The following KCNAB1 variants were observed in gnomAD, a reference collection of about 807,000 sequenced individuals.
The protein encoded by KCNAB1 is potassium voltage-gated channel subfamily A regulatory beta subunit 1, also known as voltage-gated potassium channel subunit beta-1.
In KCNAB1, 35 loss-of-function variants were observed where a neutral mutation model predicts 64.6. That is an observed-to-expected ratio of 0.54 (90% CI 0.41 to 0.72). KCNAB1 has a LOEUF of 0.72. Among genes scored for constraint, KCNAB1 ranks in the 30% least tolerant of loss-of-function variants. KCNAB1 has a pLI of 0.00. For missense variants in KCNAB1, 401 were observed against 512.9 expected, an observed-to-expected ratio of 0.78 and a Z score of 2.11; for synonymous variants, 177 against 183.8, an observed-to-expected ratio of 0.96 and a Z score of 0.30.
Position 156,143,470 on chromosome 3 carries a change from AG to A in KCNAB1, c.275+22586del, listed in dbSNP as rs1450679679. 7.1e-6 allele frequency: 9 copies of A among 1,266,714 alleles called. No homozygotes were observed. In the East Asian group the frequency reaches 1.8e-4, roughly 26 times the overall value. 78.5% of individuals were successfully genotyped at this position (1,266,714 alleles called of 1,614,324 possible). A position where few individuals can be genotyped will look rare whatever the true frequency, so the allele number is the denominator to read the frequency against. On this transcript the variant is annotated intron_variant, in intron 1 of 13. Coordinates refer to ENST00000490337, the MANE Select transcript of KCNAB1 (RefSeq NM_172160.3). ...AACCAGGGCACTGCACTGATGTCAA[AG>A]GTTGTTATTAAAGAAATAAGGACTG...
chr3:156,402,027 C>G (rs903503291), intron 1 of KCNAB1, among the ~76,000 whole-genome samples: 5 of 151,854 alleles, frequency 3.3e-5, no homozygotes, highest in Admixed American at 1.3e-4. Flanking sequence ...GGAGGGATAG[C>G]ATTAAGAGAA....
intron 1 of KCNAB1, among the ~76,000 whole-genome samples, chr3:156,286,011 G>T (rs1044271580): frequency 2.0e-5 from 3 of 152,174 alleles, no homozygotes; most frequent in African/African-American, 7.2e-5. Flanking sequence ...TGGACATGTG[G>T]CTGGTAGTGT....
chr3:156,284,741 C>T (rs1030470652), intron 1 of KCNAB1, among the ~76,000 whole-genome samples: 3 of 152,170 alleles, frequency 2.0e-5, no homozygotes, highest in African/African-American at 2.4e-5. Flanking sequence ...CAGGTGCGTC[C>T]GTCACCCCTT....
intron 1 of KCNAB1, among the ~76,000 whole-genome samples, chr3:156,252,140 G>C (rs1377040730): frequency 6.6e-6 from 1 of 152,196 alleles, no homozygotes; most frequent in Non-Finnish European, 1.5e-5. Context: ...TCCCCCTGAC[G>C]GAGGGCATCA....
At chr3:156,301,388 A>G (rs1233887122) in intron 1 of KCNAB1, among the ~76,000 whole-genome samples, 1 of 152,176 alleles carries the variant, frequency 6.6e-6, no homozygotes, top group Non-Finnish European at 1.5e-5. Context: ...TCAATTTCCT[A>G]TCTGTATATG....
At chr3:156,468,253 A>G (rs375849164) in intron 7 of KCNAB1, among the ~76,000 whole-genome samples, 3 of 152,176 alleles carry the variant, frequency 2.0e-5, no homozygotes, top group East Asian at 3.8e-4. Context: ...TCAGTATTCA[A>G]TCACTGAATT....
At chr3:156,404,216 C>A (rs1451101638) in intron 1 of KCNAB1, among the ~76,000 whole-genome samples, 1 of 152,140 alleles carries the variant, frequency 6.6e-6, no homozygotes, top group Admixed American at 6.5e-5. Flanking sequence ...ACAATGACTG[C>A]ATAATAATTT....
intron 1 of KCNAB1, among the ~76,000 whole-genome samples, chr3:156,132,411 T>C (rs578133990): frequency 4.6e-5 from 7 of 152,340 alleles, no homozygotes; most frequent in African/African-American, 1.7e-4. Flanking sequence ...GAGCATCAGC[T>C]CTCATTTTGA....
At chr3:156,342,701 G>A (rs539057779) in intron 1 of KCNAB1, among the ~76,000 whole-genome samples, 8 of 148,696 alleles carry the variant, frequency 5.4e-5, no homozygotes, top group South Asian at 2.1e-4. Flanking sequence ...ATGCTGGTGC[G>A]CTGCGCCCAC....
At chr3:156,305,144 G>GA (rs1721406710) in intron 1 of KCNAB1, among the ~76,000 whole-genome samples, 1 of 151,874 alleles carries the variant, frequency 6.6e-6, no homozygotes, top group Admixed American at 6.6e-5. Flanking sequence ...AATTGCAAGC[G>GA]ACCATATACC....
intron 1 of KCNAB1, among the ~76,000 whole-genome samples, chr3:156,263,591 G>T (rs996993744): frequency 2.6e-5 from 4 of 152,024 alleles, no homozygotes; most frequent in Non-Finnish European, 4.4e-5. Context: ...AAGAATGTGT[G>T]TTCTGCAGTC....
Position 156,368,948 on chromosome 3 carries a change from T to C in KCNAB1, c.276-52668T>C, listed in dbSNP as rs1346146769. On this transcript the variant is annotated intron_variant, in intron 1 of 13. Coordinates refer to ENST00000490337, the MANE Select transcript of KCNAB1 (RefSeq NM_172160.3). ...TTTCTTTGCTTGTTTCTTTAATACG[T>C]TCATTGATATATAATTTGTATGTGG... 2.0e-5 allele frequency among the ~76,000 whole-genome samples: 3 copies of C among 152,318 alleles called. No individual in the cohort carries two copies. The East Asian group carries it at 5.8e-4, about 29-fold the overall frequency.
chr3:156,466,766 C>T (rs551114067), intron 7 of KCNAB1, among the ~76,000 whole-genome samples: 2 of 152,094 alleles, frequency 1.3e-5, no homozygotes, highest in Non-Finnish European at 2.9e-5. Context: ...GGAAATAAAA[C>T]AGTCAACAAG....
At chr3:156,149,864 A>G (rs946752341) in intron 1 of KCNAB1, among the ~76,000 whole-genome samples, 2 of 152,168 alleles carry the variant, frequency 1.3e-5, no homozygotes, top group Non-Finnish European at 2.9e-5. Flanking sequence ...ACACCCTTTC[A>G]TCATGTGTTC....
intron 1 of KCNAB1, chr3:156,292,235 A>C (rs1259047668): frequency 1.6e-6 from 2 of 1,271,596 alleles, no homozygotes; most frequent in Non-Finnish European, 1.1e-6. Context: ...TGGGTTGCTC[A>C]CTTTAGAATT....
At chr3:156,484,880 A>C (rs17352408) in intron 8 of KCNAB1, among the ~76,000 whole-genome samples, 1 of 151,940 alleles carries the variant, frequency 6.6e-6, no homozygotes. Flanking sequence ...GAGGTCTGCA[A>C]TCAGAAGGTG....
chr3:156,343,868 G>T (rs1724303032), intron 1 of KCNAB1, among the ~76,000 whole-genome samples: 1 of 152,198 alleles, frequency 6.6e-6, no homozygotes, highest in African/African-American at 2.4e-5. Context: ...AATGTGTATT[G>T]CTGTTCCTTA....
At chr3:156,505,778 G>A (rs1171509039) in intron 8 of KCNAB1, among the ~76,000 whole-genome samples, 1 of 152,120 alleles carries the variant, frequency 6.6e-6, no homozygotes, top group Non-Finnish European at 1.5e-5. Context: ...AGGGCCTCAG[G>A]GAGCTTATAA....
At chr3:156,479,580 G>C (rs748757407) in intron 8 of KCNAB1, among the ~76,000 whole-genome samples, 3 of 151,838 alleles carry the variant, frequency 2.0e-5, no homozygotes, top group African/African-American at 2.4e-5. Context: ...CAAGAAGAGG[G>C]GACACACTAA....
Sources: gnomAD v4.1 joint callset for allele counts (sites outside exome capture counted in the v4.1 genomes callset) on GRCh38, gnomAD v4.1.1 for gene constraint, MANE v1.5 for transcripts, NCBI Gene and HGNC (gene_info 2026-07-23, HGNC 2026-07-21) for gene names.